The following BNIP2 variants were observed in gnomAD, a reference collection of about 807,000 sequenced individuals.
BNIP2 encodes BCL2/adenovirus E1B 19 kDa protein-interacting protein 2.
Under a neutral mutation model 43.4 loss-of-function variants are expected in BNIP2, and 36 were observed. The observed-to-expected ratio is 0.83, with a 90% CI of 0.64 to 1.10. The LOEUF (loss-of-function observed/expected upper bound fraction) is 1.10, where lower values mean the gene tolerates loss of function less well. BNIP2 is among the 50% of genes least tolerant of loss of function. The probability of loss-of-function intolerance (pLI) is 0.00; values close to 1 mark genes in which losing one functional copy is unlikely to be tolerated. For synonymous variants in BNIP2, 146 were observed against 121.0 expected (o/e 1.21, Z -1.35); for missense variants, 417 against 374.1 (o/e 1.11, Z -0.95).
intron 9 of BNIP2, among the ~76,000 whole-genome samples, chr15:59,664,637 T>C (rs1278536943): frequency 1.3e-5 from 2 of 152,150 alleles, no homozygotes; most frequent in Non-Finnish European, 2.9e-5. Context: ...TGCCTCAGCC[T>C]CCCAAAGTGC....
chr15:59,675,543 G>C (rs1255601760), intron 5 of BNIP2, among the ~76,000 whole-genome samples: 1 of 152,110 alleles, frequency 6.6e-6, no homozygotes, highest in Non-Finnish European at 1.5e-5. Flanking sequence ...CGAGGAGGCA[G>C]AGGTTGCAGT....
rs975218964 is a variant in BNIP2, at chr15:59,664,133, G to A, written c.894-13C>T. On this transcript the variant is annotated splice_polypyrimidine_tract_variant and intron_variant, in intron 9 of 9. Coordinates refer to ENST00000607373, the MANE Select transcript of BNIP2 (RefSeq NM_004330.4). ...TTCTTGATCAACTCTGTTTAATGAAGAATATATAAAATAAGAAACCAGCAA... is the reference window on the plus strand; with the variant it reads ...TTCTTGATCAACTCTGTTTAATGAAAAATATATAAAATAAGAAACCAGCAA... 18 of 1,491,536 alleles carry A rather than the reference G, an allele frequency of 1.2e-5. No homozygotes were observed. In the African/African-American group the frequency reaches 1.8e-4, roughly 15 times the overall value. The allele number at this position is 1,491,536 out of a possible 1,614,324, so 92.4% of individuals were successfully genotyped here.
intron 1 of BNIP2, among the ~76,000 whole-genome samples, chr15:59,682,798 T>C (rs761884524): frequency 3.3e-5 from 5 of 152,216 alleles, no homozygotes; most frequent in Admixed American, 6.5e-5. Flanking sequence ...ATTGAAAATA[T>C]ATTTCATACT....
rs6151437 is a variant in BNIP2 at position 59,688,698 on chromosome 15, T to C, written c.-58+437A>G. The C allele has an allele frequency of 4.7e-4, 718 of 1,534,870 alleles. 5 individuals carry two copies. The East Asian group carries it at 0.015, about 32-fold the overall frequency. On this transcript the variant is annotated intron_variant, in intron 1 of 9. Transcript: ENST00000607373. Reference sequence around the variant, plus strand: ...TTAAAGCCCTGATTACTTATGCTGCTTCCGTGTCTATTCCCCGCGGTTACG... The same window carrying C: ...TTAAAGCCCTGATTACTTATGCTGCCTCCGTGTCTATTCCCCGCGGTTACG...
chr15:59,684,132 A>G (rs1417346732), intron 1 of BNIP2, among the ~76,000 whole-genome samples: 2 of 152,226 alleles, frequency 1.3e-5, no homozygotes, highest in Non-Finnish European at 2.9e-5. Flanking sequence ...CTAAATTTGT[A>G]TCTCTGCCAA....
At chr15:59,688,095 T>C (rs1454370306) in intron 1 of BNIP2, among the ~76,000 whole-genome samples, 1 of 152,216 alleles carries the variant, frequency 6.6e-6, no homozygotes, top group Non-Finnish European at 1.5e-5. Flanking sequence ...TCTGTCATAC[T>C]TCCGGTCTAA....
chr15:59,676,836 G>C (rs368462233), intron 5 of BNIP2: 9 of 1,557,372 alleles, frequency 5.8e-6, no homozygotes, highest in Middle Eastern at 1.7e-4. Context: ...CCTTCCTGCC[G>C]GGAATTCTGC....
At chr15:59,684,141 A>G (rs1322343029) in intron 1 of BNIP2, among the ~76,000 whole-genome samples, 5 of 152,230 alleles carry the variant, frequency 3.3e-5, no homozygotes, top group African/African-American at 1.2e-4. Flanking sequence ...TATCTCTGCC[A>G]AGGCTGGAAG....
At chr15:59,677,689 A>G in intron 5 of BNIP2, 1 of 1,186,602 alleles carries the variant, frequency 8.4e-7, no homozygotes, top group South Asian at 2.5e-5. Flanking sequence ...GTCTTGAGAA[A>G]GCTATATTTT....
chr15:59,684,626 T>G (rs1893900271), intron 1 of BNIP2, among the ~76,000 whole-genome samples: 1 of 152,230 alleles, frequency 6.6e-6, no homozygotes, highest in South Asian at 2.1e-4. Flanking sequence ...TCTAGATGTT[T>G]AATTTACTGT....
chr15:59,678,600 T>G, intron 4 of BNIP2: 3 of 1,127,492 alleles, frequency 2.7e-6, no homozygotes, highest in South Asian at 4.0e-5. Context: ...TTATAATACT[T>G]TGAAGTATAC....
rs1356243811 is a variant in BNIP2 at position 59,676,686 on chromosome 15, T to A, written c.472+1225A>T. The A allele has an allele frequency of 1.9e-5, 12 of 642,482 alleles. No individual in the cohort carries two copies. The East Asian group carries it at 3.0e-4, about 16-fold the overall frequency. The allele number at this position is 642,482 out of a possible 1,614,324, so 39.8% of individuals were successfully genotyped here. On this transcript the variant is annotated intron_variant, in intron 5 of 9. Coordinates refer to ENST00000607373, the MANE Select transcript of BNIP2 (RefSeq NM_004330.4). ...AAGTATTTAGAATTCTGATATTGCA[T>A]GAAACGGCTAGGGCAGGCGAGCGCA... is the stretch of plus-strand genomic sequence containing the variant.
At chr15:59,687,574 C>G (rs1262631016) in intron 1 of BNIP2, among the ~76,000 whole-genome samples, 3 of 151,924 alleles carry the variant, frequency 2.0e-5, no homozygotes, top group Non-Finnish European at 2.9e-5. Flanking sequence ...TTTGTCTCAT[C>G]TCATTGCTTT....
In BNIP2 at chr15:59,663,987, G is replaced by C. The variant is rs1297177340; in HGVS notation, c.*82C>G. On this transcript the variant is annotated 3_prime_UTR_variant, in exon 10 of 10. Transcript: ENST00000607373. ...TTGTAACAGGTTACATAAAAATATG[G>C]GCCAATAAATGCATTATGAATGCAG... The C allele has an allele frequency of 5.6e-6, 6 of 1,077,072 alleles. No homozygotes were observed. Among genetic ancestry groups the C allele is most frequent in the Non-Finnish European group, 6.6e-6 (5 of 759,710 alleles). The allele number at this position is 1,077,072 out of a possible 1,614,324, so 66.7% of individuals were successfully genotyped here. A position where few individuals can be genotyped will look rare whatever the true frequency, so the allele number is the denominator to read the frequency against.
In BNIP2 at chr15:59,671,317, G is replaced by A. The variant is rs780055483; in HGVS notation, c.576-3C>T. ...GCTCCAAAGTGCCAATAACATATCT[G>A]TAAAAAACAAATTAAGTTTAAGCCT... On this transcript the variant is annotated splice_region_variant and splice_polypyrimidine_tract_variant and intron_variant, in intron 6 of 9. Transcript: ENST00000607373. The A allele has an allele frequency of 6.3e-7, 1 of 1,579,904 alleles. No homozygotes were observed.
chr15:59,689,010 G>T, intron 1 of BNIP2, 125 bp downstream of exon 1: 2 of 1,446,032 alleles, frequency 1.4e-6, no homozygotes, highest in South Asian at 1.5e-5. Flanking sequence ...CCCCTACCAA[G>T]GGTAACTCTC....
chr15:59,680,803 A>G (rs6151503), intron 2 of BNIP2, among the ~76,000 whole-genome samples: 50,135 of 151,978 alleles, frequency 0.33, 8,589 homozygotes, highest in East Asian at 0.54. Flanking sequence ...TAGAGACCGG[A>G]TATTGCTATG....
chr15:59,682,398 C>G lies in BNIP2; in HGVS notation c.50+10G>C, dbSNP rs1159791982. ...CTCTAAAATTGTTTTCTTTTAAAAGCATTGCTCACATCGGAAAATCTTCAT... is the reference window on the plus strand; with the variant it reads ...CTCTAAAATTGTTTTCTTTTAAAAGGATTGCTCACATCGGAAAATCTTCAT... On this transcript the variant is annotated intron_variant, in intron 2 of 9. Transcript: ENST00000607373. 2 of 1,604,226 alleles carry G rather than the reference C, an allele frequency of 1.2e-6. No individual in the cohort carries two copies. The highest frequency in any genetic ancestry group is 1.7e-6 in the Non-Finnish European group (2 of 1,175,710).
chr15:59,677,376 A>G (rs1266882334), intron 5 of BNIP2: 8 of 1,537,258 alleles, frequency 5.2e-6, no homozygotes, highest in South Asian at 2.4e-5. Context: ...CTCTTAAGCC[A>G]TAAGGGTTGG....
Sources: allele counts gnomAD v4.1 joint callset (sites outside exome capture counted in the v4.1 genomes callset), GRCh38; gene constraint gnomAD v4.1.1; transcripts MANE v1.5; gene names NCBI Gene and HGNC (gene_info 2026-07-23, HGNC 2026-07-21).